The following RELN variants were observed in gnomAD, a reference collection of about 807,000 sequenced individuals.
The protein encoded by RELN is reelin.
A neutral mutation model predicts 427.6 loss-of-function variants in RELN; 108 were observed. That is an observed-to-expected ratio of 0.25 (90% CI 0.22 to 0.30). The LOEUF is 0.30. RELN is among the 10% of genes least tolerant of loss of function. The pLI is 1.00. For synonymous variants in RELN, 1,524 were observed against 1,513.4 expected (o/e 1.01, Z -0.16); for missense variants, 3,715 against 4,302.8 (o/e 0.86, Z 3.82).
intron 38 of RELN, among the ~76,000 whole-genome samples, chr7:103,554,054 G>C (rs532765722): frequency 5.9e-5 from 9 of 152,270 alleles, no homozygotes; most frequent in Non-Finnish European, 1.0e-4. Context: ...AGGTGTGTTT[G>C]TGCATGCCTG....
intron 3 of RELN, among the ~76,000 whole-genome samples, chr7:103,811,839 A>G (rs1466359477): frequency 6.6e-6 from 1 of 152,222 alleles, no homozygotes; most frequent in Non-Finnish European, 1.5e-5. Context: ...CCTTTCATCC[A>G]GAAGTAAATA....
rs557558399 is a variant in RELN at position 103,911,682 on chromosome 7, T to G, written c.337+5393A>C. Among the ~76,000 whole-genome samples the G allele has an allele frequency of 5.7e-4, 83 of 146,712 alleles. No homozygotes were observed. The East Asian group carries it at 0.014, about 25-fold the overall frequency. On this transcript the variant is annotated intron_variant, in intron 2 of 64. Coordinates refer to ENST00000428762, the MANE Select transcript of RELN (RefSeq NM_005045.4). ...TGGAATACTATGCAGCCATAAAAAA[T>G]GATGAGTTCATGTCCTTTGTAGGGA...
Position 103,652,736 on chromosome 7 carries a change from G to A in RELN, c.1578C>T (p.Val526=), listed in dbSNP as rs777671818. 1 of 1,612,686 alleles carries A rather than the reference G, an allele frequency of 6.2e-7. No homozygotes were observed. Among genetic ancestry groups the A allele is most frequent in the Non-Finnish European group, 8.5e-7 (1 of 1,179,160 alleles). ...CAGGAGTCTGAAGTTCAGGATTGAT[G>A]ACCACAGAAACCAAAGACGGAACCT... is the stretch of plus-strand genomic sequence containing the variant. ...SYKVPSLVSV[V]INPELQTPAT... Residue 526 remains valine, a synonymous_variant, in exon 14 of 65, where the codon GTC becomes GTT. Coordinates refer to ENST00000428762, the MANE Select transcript of RELN (RefSeq NM_005045.4).
At position 103,824,086 on chromosome 7, in the gene RELN, A is replaced by G. The variant is rs144780172; in HGVS notation, c.473+9451T>C. 1.5e-3 allele frequency among the ~76,000 whole-genome samples: 235 copies of G among 152,190 alleles called. 1 individual carries two copies. The highest frequency in any genetic ancestry group is 5.5e-3 in the African/African-American group (228 of 41,548). The stretch of plus-strand genomic sequence containing the variant: ...CTTTGATGTTTTCTGTCGTTGATAT[A>G]CTGAAGGCTTATCACGACCTTTATC... On this transcript the variant is annotated intron_variant, in intron 3 of 64. Coordinates refer to ENST00000428762, the MANE Select transcript of RELN (RefSeq NM_005045.4). The surrounding 1 kb of genome is among the most constrained non-coding windows in gnomAD (Gnocchi z 4.4).
intron 2 of RELN, among the ~76,000 whole-genome samples, chr7:103,888,585 T>G (rs917642241): frequency 6.6e-6 from 1 of 152,210 alleles, no homozygotes; most frequent in Admixed American, 6.5e-5. Flanking sequence ...GCTAAAGAGA[T>G]GGCCTCAAAA....
intron 31 of RELN, 95 bp downstream of exon 31, chr7:103,572,089 T>C: frequency 1.3e-6 from 1 of 754,976 alleles, no homozygotes; most frequent in Non-Finnish European, 2.5e-6. Flanking sequence ...TTCAGGGTAA[T>C]GTATCAGTTT....
chr7:103,723,833 GAAGAA>G (rs1562972432), intron 7 of RELN, among the ~76,000 whole-genome samples: 1 of 152,012 alleles, frequency 6.6e-6, no homozygotes, highest in African/African-American at 2.4e-5. Context: ...CAAAAAAAAT[GAAGAA>G]AAGAAATAGA....
intron 49 of RELN, among the ~76,000 whole-genome samples, chr7:103,518,489 C>G (rs1215653667): frequency 8.4e-6 from 1 of 119,674 alleles, no homozygotes; most frequent in Non-Finnish European, 1.6e-5. Flanking sequence ...CATGCCACCA[C>G]ACCCAGGTAA....
intron 7 of RELN, among the ~76,000 whole-genome samples, chr7:103,725,949 C>T (rs1407801616): frequency 6.6e-6 from 1 of 152,118 alleles, no homozygotes; most frequent in African/African-American, 2.4e-5. Flanking sequence ...AAATCCTTAG[C>T]CTAATAAGGT....
At chr7:103,688,791 A>G (rs1324505552) in intron 10 of RELN, among the ~76,000 whole-genome samples, 1 of 152,128 alleles carries the variant, frequency 6.6e-6, no homozygotes, top group African/African-American at 2.4e-5. Flanking sequence ...TGCATAAGGT[A>G]CAAGAGCAAC....
intron 50 of RELN, among the ~76,000 whole-genome samples, chr7:103,514,415 A>G (rs929858294): frequency 2.0e-5 from 3 of 152,118 alleles, no homozygotes; most frequent in African/African-American, 7.2e-5. Flanking sequence ...ATCTCAGCAC[A>G]CTGGGAGGCC....
At chr7:103,599,235 C>T (rs1323113504) in intron 24 of RELN, among the ~76,000 whole-genome samples, 2 of 152,096 alleles carry the variant, frequency 1.3e-5, no homozygotes, top group Non-Finnish European at 2.9e-5. Context: ...TTTATTGTTT[C>T]CCAATTGTCT....
intron 8 of RELN, among the ~76,000 whole-genome samples, chr7:103,718,126 T>C (rs896681214): frequency 6.6e-6 from 1 of 152,152 alleles, no homozygotes; most frequent in Admixed American, 6.6e-5. Context: ...TTTTTAGCTT[T>C]TGTAATTTCC....
intron 2 of RELN, among the ~76,000 whole-genome samples, chr7:103,851,953 G>A (rs1481031217): frequency 6.6e-6 from 1 of 152,178 alleles, no homozygotes; most frequent in African/African-American, 2.4e-5. Flanking sequence ...CACATGCTGA[G>A]ATGGCACAGC....
intron 16 of RELN, among the ~76,000 whole-genome samples, chr7:103,647,554 G>A (rs1832822883): frequency 6.8e-6 from 1 of 147,884 alleles, no homozygotes. Context: ...AAAAACTGTA[G>A]GACAAAAACA....
At chr7:103,679,934 T>G (rs987100120) in intron 11 of RELN, among the ~76,000 whole-genome samples, 2 of 152,150 alleles carry the variant, frequency 1.3e-5, no homozygotes, top group Admixed American at 1.3e-4. Flanking sequence ...TTGTACCAAG[T>G]CTCCACAAGT....
At chr7:103,711,351 A>G (rs894802227) in intron 8 of RELN, among the ~76,000 whole-genome samples, 1 of 152,182 alleles carries the variant, frequency 6.6e-6, no homozygotes, top group African/African-American at 2.4e-5. Flanking sequence ...CACAACTCAG[A>G]CCCACCTCTG....
chr7:103,800,089 C>A (rs1306410414), intron 3 of RELN, among the ~76,000 whole-genome samples: 1 of 152,144 alleles, frequency 6.6e-6, no homozygotes, highest in Admixed American at 6.6e-5. Flanking sequence ...GACAGGGATG[C>A]CCTCTCTCAC....
chr7:103,653,832 A>G (rs1477897432), intron 13 of RELN, among the ~76,000 whole-genome samples: 1 of 152,088 alleles, frequency 6.6e-6, no homozygotes, highest in Non-Finnish European at 1.5e-5. Context: ...GGACAAGAAT[A>G]ACTGTCAGAG....
Sources: gnomAD v4.1 joint callset for allele counts (sites outside exome capture counted in the v4.1 genomes callset) on GRCh38, gnomAD v4.1.1 for gene constraint, Gnocchi (gnomAD v3.1) non-coding constraint, MANE v1.5 for transcripts, NCBI Gene and HGNC (gene_info 2026-07-23, HGNC 2026-07-21) for gene names.